Variants in QTMAN observed in about 807,000 individuals in gnomAD.
QTMAN encodes tRNA-queuosine alpha-mannosyltransferase.
chr2:144,126,616 T>C, the QTMAN span, among the ~76,000 whole-genome samples: 1 of 152,164 alleles, frequency 6.6e-6, no homozygotes, highest in South Asian at 2.1e-4. Context: ...AAAATCATTT[T>C]TTTCCCTCAT....
chr2:144,212,757 C>A, the QTMAN span, among the ~76,000 whole-genome samples: 1 of 152,150 alleles, frequency 6.6e-6, no homozygotes, highest in Non-Finnish European at 1.5e-5. Flanking sequence ...CTCACTTCTT[C>A]AGCACAATTT....
the QTMAN span, among the ~76,000 whole-genome samples, chr2:144,165,145 G>A: frequency 6.6e-6 from 1 of 152,098 alleles, no homozygotes; most frequent in Non-Finnish European, 1.5e-5. Context: ...GCCGAGGCGG[G>A]TGGATCACGA....
At chr2:144,254,734 G>A in the QTMAN span, among the ~76,000 whole-genome samples, 4 of 152,180 alleles carry the variant, frequency 2.6e-5, no homozygotes, top group South Asian at 2.1e-4. Context: ...CACTAAACAC[G>A]AGCCCATGGA....
chr2:144,313,216 T>C, the QTMAN span, among the ~76,000 whole-genome samples: 1 of 152,210 alleles, frequency 6.6e-6, no homozygotes, highest in African/African-American at 2.4e-5. Flanking sequence ...ACTTTTAATC[T>C]CTCTTCTAAT....
At chr2:144,306,721 A>G in the QTMAN span, among the ~76,000 whole-genome samples, 1 of 152,212 alleles carries the variant, frequency 6.6e-6, no homozygotes, top group Non-Finnish European at 1.5e-5. Flanking sequence ...GCAATTAAGC[A>G]AATCAAATTT....
At chr2:144,233,743 T>C in the QTMAN span, among the ~76,000 whole-genome samples, 1 of 152,196 alleles carries the variant, frequency 6.6e-6, no homozygotes, top group African/African-American at 2.4e-5. Flanking sequence ...TTTTGTTTTC[T>C]TTGACAGGTC....
the QTMAN span, among the ~76,000 whole-genome samples, chr2:144,169,192 C>A: frequency 3.3e-5 from 5 of 152,104 alleles, no homozygotes; most frequent in Non-Finnish European, 5.9e-5. Context: ...CACCCAAGAC[C>A]ATTTAATGGT....
chr2:144,019,530 G>T, the QTMAN span, among the ~76,000 whole-genome samples: 1 of 150,658 alleles, frequency 6.6e-6, no homozygotes, highest in Non-Finnish European at 1.5e-5. Flanking sequence ...CAGAAACTCG[G>T]AAAGGCTCAG....
the QTMAN span, among the ~76,000 whole-genome samples, chr2:144,285,367 A>G: frequency 6.6e-6 from 1 of 152,180 alleles, no homozygotes; most frequent in African/African-American, 2.4e-5. Context: ...CCTAATGATA[A>G]TATCTGAGAC....
At chr2:144,156,851 T>C in the QTMAN span, among the ~76,000 whole-genome samples, 39 of 152,152 alleles carry the variant, frequency 2.6e-4, 2 homozygotes, top group East Asian at 2.7e-3. Context: ...GCATGAAACA[T>C]GATATGTAGG....
At chr2:143,953,859 CTTGT>C in the QTMAN span, among the ~76,000 whole-genome samples, 1 of 151,686 alleles carries the variant, frequency 6.6e-6, no homozygotes, top group Non-Finnish European at 1.5e-5. Flanking sequence ...CAGTGTTTAC[CTTGT>C]TTATTTACAG....
At chr2:144,233,590 A>G in the QTMAN span, among the ~76,000 whole-genome samples, 13 of 152,206 alleles carry the variant, frequency 8.5e-5, no homozygotes, top group African/African-American at 2.7e-4. Flanking sequence ...CTGCAAGCCT[A>G]TAACAGTGCC....
At chr2:144,040,307 CTG>C in the QTMAN span, among the ~76,000 whole-genome samples, 1 of 152,114 alleles carries the variant, frequency 6.6e-6, no homozygotes, top group South Asian at 2.1e-4. Context: ...TTTAAAGAAA[CTG>C]TACCCTCATG....
chr2:144,064,896 C>T, the QTMAN span, among the ~76,000 whole-genome samples: 2 of 152,014 alleles, frequency 1.3e-5, no homozygotes. Flanking sequence ...AAAACTGGCT[C>T]CTATGAAAAT....
chr2:144,195,208 G>A, the QTMAN span, among the ~76,000 whole-genome samples: 1 of 151,908 alleles, frequency 6.6e-6, no homozygotes, highest in African/African-American at 2.4e-5. Flanking sequence ...CAATAGCTGA[G>A]AAGCATTGAT....
chr2:144,192,819 C>T, the QTMAN span, among the ~76,000 whole-genome samples: 4 of 152,090 alleles, frequency 2.6e-5, no homozygotes, highest in Non-Finnish European at 4.4e-5. Context: ...GAACAAGAAA[C>T]GTTTATTATG....
At chr2:144,136,446 AAAGGAGAAAGGAGG>A in the QTMAN span, among the ~76,000 whole-genome samples, 3 of 151,558 alleles carry the variant, frequency 2.0e-5, no homozygotes, top group African/African-American at 4.9e-5. Context: ...AAAAGAAAGG[AAAGGAGAAAGGAGG>A]AAGGAGAAAG....
the QTMAN span, among the ~76,000 whole-genome samples, chr2:144,038,233 T>C: frequency 1.3e-5 from 2 of 152,194 alleles, no homozygotes. Context: ...ATGTTTTTCC[T>C]GTGTTGAGTG....
chr2:144,196,213 C>CCACACACACA, the QTMAN span, among the ~76,000 whole-genome samples: 3 of 142,528 alleles, frequency 2.1e-5, no homozygotes, highest in Non-Finnish European at 3.1e-5. Flanking sequence ...GCACACATAG[C>CCACACACACA]CACACACACA....
Sources: allele counts gnomAD v4.1 joint callset (sites outside exome capture counted in the v4.1 genomes callset), GRCh38; gene constraint gnomAD v4.1.1; transcripts MANE v1.5; gene names NCBI Gene and HGNC (gene_info 2026-07-23, HGNC 2026-07-21).